The following THSD7B variants were observed in gnomAD, a reference collection of about 807,000 sequenced individuals.
THSD7B encodes thrombospondin type-1 domain-containing protein 7B.
Under a neutral mutation model 213.6 loss-of-function variants are expected in THSD7B, and 138 were observed. The observed-to-expected ratio is 0.65, with a 90% CI of 0.56 to 0.74. THSD7B has a LOEUF of 0.74. Ranked by LOEUF, THSD7B falls within the 30% of genes least tolerant of loss-of-function variation. THSD7B has a pLI of 0.00. For missense variants in THSD7B, 1,931 were observed against 1,991.5 expected (o/e 0.97, Z 0.58); for synonymous variants, 742 against 687.0 (o/e 1.08, Z -1.25).
intron 1 of THSD7B, among the ~76,000 whole-genome samples, chr2:136,858,630 A>G (rs1265452370): frequency 2.0e-5 from 3 of 152,212 alleles, no homozygotes; most frequent in African/African-American, 4.8e-5. Context: ...GTGAACATGT[A>G]GCTTCATAAG....
At chr2:137,642,671 G>A (rs746617634) in intron 21 of THSD7B, 38 bp downstream of exon 21, 1 of 1,606,876 alleles carries the variant, frequency 6.2e-7, no homozygotes, top group South Asian at 1.1e-5. Context: ...ATATTCATCA[G>A]TATATTCGAA....
Position 137,616,177 on chromosome 2 carries a change from A to G in THSD7B, c.3426A>G (p.Ser1142=). ...EWGLWSKCPQ[S]CDPHTMQRRT... ...TTTTCCTACTCTGATTTTAATAGTC[A>G]TGCGATCCCCACACAATGCAGAGAA... The change falls in exon 18 of 28, where the codon TCA becomes TCG. Residue 1142 remains serine (S), a splice_region_variant and synonymous_variant. Coordinates refer to ENST00000409968, the MANE Select transcript of THSD7B (RefSeq NM_001316349.2). 6.2e-7 allele frequency: 1 copy of G among 1,611,116 alleles called. No individual in the cohort carries two copies. Among genetic ancestry groups the G allele is most frequent in the Non-Finnish European group, 8.5e-7 (1 of 1,179,072 alleles).
intron 12 of THSD7B, among the ~76,000 whole-genome samples, chr2:137,344,519 G>C (rs1488093842): frequency 6.6e-6 from 1 of 151,650 alleles, no homozygotes; most frequent in Non-Finnish European, 1.5e-5. Context: ...GACAAAAAAA[G>C]ATGCTGCTTT....
intron 12 of THSD7B, among the ~76,000 whole-genome samples, chr2:137,404,997 T>C (rs531038815): frequency 2.2e-4 from 34 of 151,524 alleles, no homozygotes; most frequent in African/African-American, 8.0e-4. Context: ...CAATAACTTA[T>C]GGAAAAATAA....
At chr2:137,248,223 C>A (rs1359330860) in intron 10 of THSD7B, among the ~76,000 whole-genome samples, 2 of 152,090 alleles carry the variant, frequency 1.3e-5, no homozygotes, top group Admixed American at 1.3e-4. Context: ...TCCTTAAGGT[C>A]AGGGAGCTTG....
chr2:136,777,741 G>C (rs1324208393), intron 1 of THSD7B, among the ~76,000 whole-genome samples: 1 of 152,108 alleles, frequency 6.6e-6, no homozygotes, highest in Non-Finnish European at 1.5e-5. Context: ...AAAAAGAATA[G>C]CTACCAAATA....
At chr2:137,395,782 C>T (rs1316181999) in intron 12 of THSD7B, among the ~76,000 whole-genome samples, 1 of 151,540 alleles carries the variant, frequency 6.6e-6, no homozygotes, top group African/African-American at 2.4e-5. Flanking sequence ...AGCTGTGAAT[C>T]CATCTGGTCC....
intron 1 of THSD7B, among the ~76,000 whole-genome samples, chr2:136,769,765 T>C (rs2104897348): frequency 6.6e-6 from 1 of 152,164 alleles, no homozygotes; most frequent in South Asian, 2.1e-4. Context: ...AAAGAAGAGG[T>C]CCACCTACTA....
chr2:137,200,977 A>G (rs910474176), intron 7 of THSD7B, among the ~76,000 whole-genome samples: 9 of 152,040 alleles, frequency 5.9e-5, no homozygotes, highest in Admixed American at 5.2e-4. Flanking sequence ...CAAAACCTGT[A>G]TTTTGATTTG....
At chr2:137,194,328 G>A in intron 7 of THSD7B, among the ~76,000 whole-genome samples, 1 of 152,184 alleles carries the variant, frequency 6.6e-6, no homozygotes, top group Non-Finnish European at 1.5e-5. Context: ...ACCTAAAGCT[G>A]CCACAAGGGA....
chr2:137,366,068 AG>A (rs80078528), intron 12 of THSD7B, among the ~76,000 whole-genome samples: 23,369 of 152,186 alleles, frequency 0.15, 1,944 homozygotes, highest in South Asian at 0.26. Context: ...GCCATAAAAA[AG>A]GACAAATTCT....
chr2:137,011,770 A>G (rs1292793714), intron 2 of THSD7B, among the ~76,000 whole-genome samples: 2 of 152,146 alleles, frequency 1.3e-5, no homozygotes, highest in Non-Finnish European at 2.9e-5. Context: ...TACCGCATAC[A>G]GTCTCCTCTA....
At chr2:137,424,131 C>T (rs1309010066) in intron 14 of THSD7B, among the ~76,000 whole-genome samples, 1 of 152,022 alleles carries the variant, frequency 6.6e-6, no homozygotes, top group Non-Finnish European at 1.5e-5. Context: ...TGTAGCTTGA[C>T]TCTTTCCTTA....
intron 14 of THSD7B, among the ~76,000 whole-genome samples, chr2:137,443,874 C>CT (rs1247285470): frequency 6.6e-6 from 1 of 152,002 alleles, no homozygotes; most frequent in African/African-American, 2.4e-5. Flanking sequence ...TCCAGTAAAA[C>CT]TTTTTTGTCA....
intron 1 of THSD7B, among the ~76,000 whole-genome samples, chr2:136,772,684 G>C (rs1681530122): frequency 1.3e-5 from 2 of 152,222 alleles, no homozygotes; most frequent in Admixed American, 1.3e-4. Flanking sequence ...GTGATTTGGT[G>C]AGGTGAGTGC....
intron 20 of THSD7B, among the ~76,000 whole-genome samples, chr2:137,638,868 A>G (rs1270977028): frequency 1.3e-5 from 2 of 152,160 alleles, no homozygotes; most frequent in Non-Finnish European, 2.9e-5. Context: ...AATTTAGGGT[A>G]CCTGGTGGAA....
At chr2:136,793,898 C>G (rs1682013115) in intron 1 of THSD7B, among the ~76,000 whole-genome samples, 1 of 151,336 alleles carries the variant, frequency 6.6e-6, no homozygotes, top group Admixed American at 6.6e-5. Context: ...GTAAAGCCTT[C>G]TGGGCTTTTG....
chr2:137,238,309 G>T (rs1681813149), intron 9 of THSD7B, among the ~76,000 whole-genome samples: 1 of 152,102 alleles, frequency 6.6e-6, no homozygotes. Flanking sequence ...CAGGAAGTTG[G>T]CATCACTCAA....
At chr2:137,474,302 A>T (rs1688153174) in intron 15 of THSD7B, among the ~76,000 whole-genome samples, 1 of 152,112 alleles carries the variant, frequency 6.6e-6, no homozygotes, top group South Asian at 2.1e-4. Context: ...ACTCATTCCT[A>T]TTCACATTTA....
Sources: gnomAD v4.1 joint callset for allele counts (sites outside exome capture counted in the v4.1 genomes callset) on GRCh38, gnomAD v4.1.1 for gene constraint, MANE v1.5 for transcripts, NCBI Gene and HGNC (gene_info 2026-07-23, HGNC 2026-07-21) for gene names.